Variants in AK8 observed in about 807,000 individuals in gnomAD.
The protein encoded by AK8 is adenylate kinase 8.
A neutral mutation model predicts 54.6 loss-of-function variants in AK8; 44 were observed. The observed-to-expected ratio is 0.81, with a 90% CI of 0.63 to 1.04. The LOEUF is 1.04. Among genes scored for constraint, AK8 ranks in the 50% least tolerant of loss-of-function variants. The pLI, the probability that AK8 is intolerant of heterozygous loss-of-function variation, is 0.00. For missense variants in AK8, 555 were observed against 613.6 expected, an observed-to-expected ratio of 0.90 and a Z score of 1.01; for synonymous variants, 239 against 245.6, an observed-to-expected ratio of 0.97 and a Z score of 0.25.
At chr9:132,835,439 T>C (rs1432372142) in intron 5 of AK8, among the ~76,000 whole-genome samples, 2 of 152,220 alleles carry the variant, frequency 1.3e-5, no homozygotes, top group Non-Finnish European at 2.9e-5. Context: ...TAACCCAGCA[T>C]CCAGGGCCCA....
intron 10 of AK8, among the ~76,000 whole-genome samples, chr9:132,798,076 C>G (rs1840261686): frequency 6.6e-6 from 1 of 152,252 alleles, no homozygotes; most frequent in Non-Finnish European, 1.5e-5. Flanking sequence ...GCACAGGGAT[C>G]CTGGATCCTG....
At chr9:132,792,180 T>C (rs972738460) in intron 11 of AK8, among the ~76,000 whole-genome samples, 1 of 152,004 alleles carries the variant, frequency 6.6e-6, no homozygotes, top group African/African-American at 2.4e-5. Context: ...AAGTTCAAAC[T>C]AGTAGAGGGA....
Position 132,845,421 on chromosome 9 carries a change from T to C in AK8, c.402+9436A>G, listed in dbSNP as rs1842709317. 2.0e-5 allele frequency among the ~76,000 whole-genome samples: 3 copies of C among 152,240 alleles called. No homozygotes were observed. The South Asian group carries it at 6.2e-4, about 32-fold the overall frequency. On this transcript the variant is annotated intron_variant, in intron 5 of 12. Coordinates refer to ENST00000298545, the MANE Select transcript of AK8 (RefSeq NM_152572.3). ...TACTCTGTCCACACTGCAGGTGCAC[T>C]ATGCAAAGAGGTTATGCAGACCAAG...
In AK8 at chr9:132,826,160, G is replaced by C. The variant is rs2131300790; in HGVS notation, c.757+694C>G. 6.6e-6 allele frequency among the ~76,000 whole-genome samples: 1 copy of C among 152,320 alleles called. No individual in the cohort carries two copies. The highest frequency in any genetic ancestry group is 1.9e-4 in the East Asian group (1 of 5,180). ...TCCCATTTAATCCTCACCTACGCCT[G>C]GGAGGAGGGCACAAGTTTTGTTCCT... On this transcript the variant is annotated intron_variant, in intron 8 of 12. Coordinates refer to ENST00000298545, the MANE Select transcript of AK8 (RefSeq NM_152572.3). This position sits in a 1 kb window ranked among gnomAD's most constrained non-coding sequence, Gnocchi z 4.5.
At chr9:132,875,678 C>A (rs1396103587) in intron 1 of AK8, among the ~76,000 whole-genome samples, 1 of 152,230 alleles carries the variant, frequency 6.6e-6, no homozygotes, top group Middle Eastern at 3.2e-3. Flanking sequence ...GATGCTCCTG[C>A]ACCTGCCTGC....
chr9:132,765,521 T>C (rs1838691809), intron 11 of AK8, among the ~76,000 whole-genome samples: 1 of 152,104 alleles, frequency 6.6e-6, no homozygotes, highest in Non-Finnish European at 1.5e-5. Context: ...GGTGCACACC[T>C]GTAGCCCCAG....
chr9:132,878,296 T>C (rs778016884), upstream of AK8: 3 of 1,321,380 alleles, frequency 2.3e-6, no homozygotes, highest in Middle Eastern at 2.6e-4. The surrounding 1 kb of genome is among the most constrained non-coding windows in gnomAD (Gnocchi z 4.7). Flanking sequence ...ACCGCGTCGC[T>C]AGGGCCGCCG....
At chr9:132,834,869 CTTT>C (rs11323499) in intron 5 of AK8, among the ~76,000 whole-genome samples, 13 of 140,750 alleles carry the variant, frequency 9.2e-5, no homozygotes, top group East Asian at 2.1e-4. Flanking sequence ...CAAGAGGTGC[CTTT>C]TTTTTTTTTT....
In AK8 at chr9:132,837,387, T is replaced by G. The variant is rs2131333941; in HGVS notation, c.403-8661A>C. Among the ~76,000 whole-genome samples the G allele has an allele frequency of 6.6e-6, 1 of 151,592 alleles. No homozygotes were observed. Among genetic ancestry groups the G allele is most frequent in the African/African-American group, 2.4e-5 (1 of 41,280 alleles). Reference sequence around the variant, plus strand: ...CCCCTTCTGCTCTGCCCTTCTGCTGTGGGTGCCCTGCTAGCTCTCGGGAGC... The same window carrying G: ...CCCCTTCTGCTCTGCCCTTCTGCTGGGGGTGCCCTGCTAGCTCTCGGGAGC... On this transcript the variant is annotated intron_variant, in intron 5 of 12. Transcript: ENST00000298545. The surrounding 1 kb of genome is among the most constrained non-coding windows in gnomAD (Gnocchi z 4.3).
At chr9:132,765,018 C>T (rs765475147) in intron 11 of AK8, among the ~76,000 whole-genome samples, 6 of 152,102 alleles carry the variant, frequency 3.9e-5, no homozygotes, top group Non-Finnish European at 5.9e-5. Context: ...ACCAGCTGGG[C>T]GTGGTGGCTC....
chr9:132,756,419 AG>A (rs1450007795), intron 11 of AK8, among the ~76,000 whole-genome samples: 5 of 152,352 alleles, frequency 3.3e-5, no homozygotes, highest in African/African-American at 1.2e-4. Context: ...GGGGAGCCAG[AG>A]GGAGGGCGCC....
At chr9:132,842,645 T>C (rs900295225) in intron 5 of AK8, among the ~76,000 whole-genome samples, 3 of 152,186 alleles carry the variant, frequency 2.0e-5, no homozygotes, top group Non-Finnish European at 4.4e-5. Flanking sequence ...CTGTAGACAA[T>C]ACAGTTATTA....
chr9:132,741,712 G>A (rs1199687220), intron 11 of AK8, among the ~76,000 whole-genome samples: 2 of 152,138 alleles, frequency 1.3e-5, no homozygotes, highest in Non-Finnish European at 2.9e-5. Flanking sequence ...AATGGATTTA[G>A]TATATTCAGA....
chr9:132,791,562 C>A lies in AK8; in HGVS notation c.1121+1072G>T, dbSNP rs1023683704. On this transcript the variant is annotated intron_variant, in intron 11 of 12. Coordinates refer to ENST00000298545, the MANE Select transcript of AK8 (RefSeq NM_152572.3). The surrounding 1 kb of genome is among the most constrained non-coding windows in gnomAD (Gnocchi z 4.0). ...ACAATAAAGAAGATCAATGAGAGGG[C>A]CTTGTCCTGCATTGACTATTGAAAT... is the stretch of plus-strand genomic sequence containing the variant. Among the ~76,000 whole-genome samples, 1 of 152,064 alleles carries A rather than the reference C, an allele frequency of 6.6e-6. No individual in the cohort carries two copies. The highest frequency in any genetic ancestry group is 2.4e-5 in the African/African-American group (1 of 41,392).
At chr9:132,833,546 T>C (rs1490969433) in intron 5 of AK8, among the ~76,000 whole-genome samples, 1 of 152,142 alleles carries the variant, frequency 6.6e-6, no homozygotes, top group Non-Finnish European at 1.5e-5. Context: ...AGCAGGTTAA[T>C]TGATATTCTG....
intron 10 of AK8, among the ~76,000 whole-genome samples, chr9:132,813,426 G>T (rs574526701): frequency 6.6e-6 from 1 of 152,336 alleles, no homozygotes; most frequent in South Asian, 2.1e-4. Context: ...GGTAGGAGAA[G>T]GCCACAAGCT....
chr9:132,830,865 C>T (rs994377658), intron 5 of AK8, among the ~76,000 whole-genome samples: 1 of 152,222 alleles, frequency 6.6e-6, no homozygotes, highest in Non-Finnish European at 1.5e-5. Context: ...AAAGCTGATA[C>T]ATATTCACTT....
In AK8 at chr9:132,826,252, C is replaced by T. The variant is rs937406531; in HGVS notation, c.757+602G>A. On this transcript the variant is annotated intron_variant, in intron 8 of 12. Transcript: ENST00000298545. The surrounding 1 kb of genome is among the most constrained non-coding windows in gnomAD (Gnocchi z 4.5). ...AAGTGCCAGAGGCTGCACAGCTGGG[C>T]TGCGTCGGGGCTGAGATTTGAACAG... is the stretch of plus-strand genomic sequence containing the variant. Among the ~76,000 whole-genome samples the T allele has an allele frequency of 1.3e-5, 2 of 152,156 alleles. No individual in the cohort carries two copies. The highest frequency in any genetic ancestry group is 2.9e-5 in the Non-Finnish European group (2 of 68,030).
At chr9:132,854,059 G>A (rs899271677) in intron 5 of AK8, among the ~76,000 whole-genome samples, 5 of 151,944 alleles carry the variant, frequency 3.3e-5, no homozygotes, top group Admixed American at 2.0e-4. Context: ...AAATTAGCTG[G>A]GTGTGGTGAT....
Sources: allele counts gnomAD v4.1 joint callset (sites outside exome capture counted in the v4.1 genomes callset), GRCh38; gene constraint gnomAD v4.1.1; non-coding constraint Gnocchi (gnomAD v3.1); transcripts MANE v1.5; gene names NCBI Gene and HGNC (gene_info 2026-07-23, HGNC 2026-07-21).